The following EXOC5 variants were observed in gnomAD, a reference collection of about 807,000 sequenced individuals.
EXOC5 encodes the protein exocyst complex component 5, also known as SEC10-like 1.
Under a neutral mutation model 90.8 loss-of-function variants are expected in EXOC5, and 17 were observed. The ratio of observed to expected loss-of-function variants is 0.19; its 90% CI spans 0.13 to 0.28. The LOEUF is 0.28. Ranked by LOEUF, EXOC5 falls within the 10% of genes least tolerant of loss-of-function variation. EXOC5 has a pLI of 1.00. For missense variants in EXOC5, 569 were observed against 830.6 expected, an observed-to-expected ratio of 0.69 and a Z score of 3.87; for synonymous variants, 260 against 270.0, an observed-to-expected ratio of 0.96 and a Z score of 0.36.
In EXOC5 at chr14:57,268,858, G is replaced by T. The variant is rs1884793583; in HGVS notation, c.-210C>A. The T allele has an allele frequency of 2.3e-6, 3 of 1,294,976 alleles. No individual in the cohort carries two copies. Among genetic ancestry groups the T allele is most frequent in the Non-Finnish European group, 2.0e-6 (2 of 988,170 alleles). The allele number at this position is 1,294,976 out of a possible 1,614,324, so 80.2% of individuals were successfully genotyped here. ...CGCTTGTCAGCTGCCTCCCGGCGCC[G>T]CCCGCGCTGCTCCCATTGTCACCGC... On this transcript the variant is annotated 5_prime_UTR_variant, in exon 1 of 18. Transcript: ENST00000621441.
chr14:57,209,456 A>T (rs931446114), intron 17 of EXOC5, 111 bp downstream of exon 17: 1 of 601,194 alleles, frequency 1.7e-6, no homozygotes, highest in African/African-American at 1.9e-5. Flanking sequence ...CTCATACAAT[A>T]TCAACAAAAG....
At chr14:57,232,778 A>ACC in intron 9 of EXOC5, 29 bp from the exon 10 acceptor site, 2 of 1,035,280 alleles carry the variant, frequency 1.9e-6, no homozygotes, top group Non-Finnish European at 2.9e-6. Flanking sequence ...CATTCTGTTA[A>ACC]TTAGGTAAAT....
intron 15 of EXOC5, among the ~76,000 whole-genome samples, chr14:57,217,259 C>T (rs539218963): frequency 1.1e-4 from 17 of 152,236 alleles, no homozygotes; most frequent in African/African-American, 3.9e-4. Flanking sequence ...TTCTGAATAT[C>T]CAGGCATACC....
intron 1 of EXOC5, among the ~76,000 whole-genome samples, chr14:57,264,404 C>T (rs192868068): frequency 1.9e-3 from 283 of 152,200 alleles, no homozygotes; most frequent in African/African-American, 6.1e-3. Flanking sequence ...AAAAGGTGTT[C>T]TTCAATATTC....
At position 57,223,669 on chromosome 14, in the gene EXOC5, T is replaced by C. The variant is rs144490323; in HGVS notation, c.1297-1253A>G. Among the ~76,000 whole-genome samples, 797 of 152,202 alleles carry C rather than the reference T, an allele frequency of 5.2e-3. 4 individuals carry two copies. Among genetic ancestry groups the C allele is most frequent in the South Asian group, 0.011 (53 of 4,822 alleles). ...ATGAATAATAGACAGAAGAGGCAGA[T>C]GGAAAATTGGTAAGGATATAGAAGA... On this transcript the variant is annotated intron_variant, in intron 12 of 17. Transcript: ENST00000621441.
At chr14:57,216,561 T>C (rs536984351) in intron 15 of EXOC5, among the ~76,000 whole-genome samples, 14 of 152,246 alleles carry the variant, frequency 9.2e-5, no homozygotes, top group African/African-American at 3.4e-4. Flanking sequence ...CCTCTATAAA[T>C]GGTTCTGGAA....
At chr14:57,216,077 A>G (rs1882962509) in intron 15 of EXOC5, among the ~76,000 whole-genome samples, 1 of 152,112 alleles carries the variant, frequency 6.6e-6, no homozygotes, top group Admixed American at 6.6e-5. Flanking sequence ...AATAGCATGA[A>G]AAAGAATAAA....
chr14:57,208,230 A>G lies in EXOC5; in HGVS notation c.*379T>C, dbSNP rs375188995. ...TTCACCTATTATTAATGGAAAACAGAATGGCAAAATTTCTAAATGGAATAT... is the reference window on the plus strand; with the variant it reads ...TTCACCTATTATTAATGGAAAACAGGATGGCAAAATTTCTAAATGGAATAT... On this transcript the variant is annotated 3_prime_UTR_variant, in exon 18 of 18. Coordinates refer to ENST00000621441, the MANE Select transcript of EXOC5 (RefSeq NM_006544.4). The G allele has an allele frequency of 2.2e-4, 35 of 161,998 alleles. 1 individual carries two copies. Among genetic ancestry groups the G allele is most frequent in the African/African-American group, 8.3e-4 (35 of 41,982 alleles). The allele number at this position is 161,998 out of a possible 1,614,324, so 10.0% of individuals were successfully genotyped here.
At chr14:57,217,365 C>T (rs545992966) in intron 15 of EXOC5, among the ~76,000 whole-genome samples, 17 of 152,116 alleles carry the variant, frequency 1.1e-4, no homozygotes, top group African/African-American at 3.4e-4. Flanking sequence ...CAAGTCTATC[C>T]GTGCCACTTT....
intron 5 of EXOC5, 143 bp downstream of exon 5, chr14:57,239,452 T>TA: frequency 1.7e-6 from 1 of 598,758 alleles, no homozygotes; most frequent in Non-Finnish European, 3.0e-6. Flanking sequence ...ACAAAGTGAA[T>TA]AAACTAGCAA....
At chr14:57,247,975 A>G (rs1884078368) in intron 1 of EXOC5, among the ~76,000 whole-genome samples, 1 of 151,958 alleles carries the variant, frequency 6.6e-6, no homozygotes, top group African/African-American at 2.4e-5. Context: ...AAAAATGAGC[A>G]AAGTAAACAA....
At chr14:57,222,582 C>A (rs1298914097) in intron 12 of EXOC5, among the ~76,000 whole-genome samples, 166 bp from the exon 13 acceptor site, 1 of 151,814 alleles carries the variant, frequency 6.6e-6, no homozygotes, top group Admixed American at 6.6e-5. Context: ...CACACACACA[C>A]AATTACAATG....
At chr14:57,244,495 G>A in intron 3 of EXOC5, 136 bp from the exon 4 acceptor site, 1 of 667,160 alleles carries the variant, frequency 1.5e-6, no homozygotes. Flanking sequence ...GCTCATTAGT[G>A]TGACATGATC....
chr14:57,263,814 CA>C (rs1176084214), intron 1 of EXOC5, among the ~76,000 whole-genome samples: 24 of 151,186 alleles, frequency 1.6e-4, no homozygotes, highest in Admixed American at 1.5e-3. Context: ...AATGCCTTGC[CA>C]CCACTCCCTA....
rs1183865114 is a variant in EXOC5 at position 57,204,025 on chromosome 14, T to G, written c.*4584A>C. On this transcript the variant is annotated 3_prime_UTR_variant, in exon 18 of 18. Coordinates refer to ENST00000621441, the MANE Select transcript of EXOC5 (RefSeq NM_006544.4). The stretch of plus-strand genomic sequence containing the variant: ...CTGCTATGTGAAGTATGATGTGATA[T>G]ATTCCTATTTAAACTGGCTTTGTAT... 2.0e-5 allele frequency: 3 copies of G among 152,570 alleles called. No homozygotes were observed. Among genetic ancestry groups the G allele is most frequent in the Admixed American group, 2.0e-4 (3 of 15,260 alleles). 9.5% of individuals were successfully genotyped at this position (152,570 alleles called of 1,614,324 possible). A position where few individuals can be genotyped will look rare whatever the true frequency, so the allele number is the denominator to read the frequency against.
rs560015725 is a variant in EXOC5, at chr14:57,233,850, C to A, written c.748G>T (p.Ala250Ser). ...AYLRNDIFED[A>S]GILCQRVNKQ... Reference sequence around the variant, plus strand: ...TTCACTCTTTGACAGAGTATTCCAGCGTCTTCAAATATATCATTTCTCAAA... The same window carrying A: ...TTCACTCTTTGACAGAGTATTCCAGAGTCTTCAAATATATCATTTCTCAAA... Residue 250 changes from alanine (A) to serine (S), a missense_variant, in exon 9 of 18, where the codon GCT (alanine) becomes TCT (serine). Ala to Ser is a moderately conservative substitution (Grantham distance 99). Around this residue, in one of 9 missense-constraint regions of EXOC5, gnomAD observed 114 missense variants for 111.2 expected, o/e 1.03. Coordinates refer to ENST00000621441, the MANE Select transcript of EXOC5 (RefSeq NM_006544.4). The A allele has an allele frequency of 6.2e-6, 10 of 1,610,046 alleles. No individual in the cohort carries two copies. In the East Asian group the frequency reaches 2.0e-4, roughly 32 times the overall value.
At chr14:57,214,639 G>A (rs1882922416) in intron 15 of EXOC5, among the ~76,000 whole-genome samples, 1 of 152,152 alleles carries the variant, frequency 6.6e-6, no homozygotes, top group African/African-American at 2.4e-5. Context: ...TAACGTACAT[G>A]TTATGTGATA....
intron 1 of EXOC5, among the ~76,000 whole-genome samples, chr14:57,263,111 T>C (rs1333384666): frequency 6.6e-6 from 1 of 152,166 alleles, no homozygotes; most frequent in African/African-American, 2.4e-5. Flanking sequence ...ATTGTCTGTC[T>C]CCCTGACCCT....
At chr14:57,262,270 A>G (rs1884524278) in intron 1 of EXOC5, among the ~76,000 whole-genome samples, 1 of 152,158 alleles carries the variant, frequency 6.6e-6, no homozygotes, top group South Asian at 2.1e-4. Context: ...AACCTTCTGA[A>G]GTAGATACCA....
Sources: allele counts gnomAD v4.1 joint callset (sites outside exome capture counted in the v4.1 genomes callset), GRCh38; gene constraint gnomAD v4.1.1; regional missense constraint gnomAD v4.1.1; transcripts MANE v1.5; gene names NCBI Gene and HGNC (gene_info 2026-07-23, HGNC 2026-07-21).